Variants in RBFOX1 observed in about 807,000 individuals in gnomAD.
The protein encoded by RBFOX1 is RNA binding fox-1 homolog 1, also known as RNA binding protein fox-1 homolog 1.
RBFOX1 carries 8 observed loss-of-function variants against 57.7 expected under a neutral mutation model. The ratio of observed to expected loss-of-function variants is 0.14; its 90% confidence interval spans 0.08 to 0.25. RBFOX1 has a LOEUF of 0.25. Among genes scored for constraint, RBFOX1 ranks in the 10% least tolerant of loss-of-function variants. The pLI, the probability that RBFOX1 is intolerant of heterozygous loss-of-function variation, is 1.00. For missense variants in RBFOX1, 611 were observed against 548.5 expected (o/e 1.11, Z -1.14); for synonymous variants, 326 against 222.4 (o/e 1.47, Z -4.15).
At chr16:7,000,628 C>G (rs531589319) in intron 3 of RBFOX1, among the ~76,000 whole-genome samples, 1 of 103,108 alleles carries the variant, frequency 9.7e-6, no homozygotes. Context: ...GAGACAGAGT[C>G]TCGCTCTCCT....
At chr16:6,002,437 C>G (rs139060706) in intron 4 of RBFOX1, among the ~76,000 whole-genome samples, 1 of 152,200 alleles carries the variant, frequency 6.6e-6, no homozygotes, top group African/African-American at 2.4e-5. Flanking sequence ...GACTCACTTT[C>G]CACATGGCAT....
intron 10 of RBFOX1, among the ~76,000 whole-genome samples, chr16:7,620,164 C>T (rs144787896): frequency 6.6e-6 from 1 of 152,298 alleles, no homozygotes; most frequent in African/African-American, 2.4e-5. Context: ...TTTAGATACC[C>T]AATAATAATT....
intron 4 of RBFOX1, among the ~76,000 whole-genome samples, chr16:5,888,709 T>C (rs1402162567): frequency 1.3e-5 from 2 of 149,334 alleles, no homozygotes; most frequent in East Asian, 4.0e-4. Context: ...GGCAGGAGAA[T>C]TGCTTGAATC....
At chr16:7,530,280 C>T (rs74010554) in intron 5 of RBFOX1, among the ~76,000 whole-genome samples, 5 of 152,092 alleles carry the variant, frequency 3.3e-5, no homozygotes, top group African/African-American at 1.2e-4. Context: ...CTGTACCATG[C>T]CCTTCCTCTG....
At position 6,394,081 on chromosome 16, in the gene RBFOX1, CTG is replaced by C. The variant is rs536823524; in HGVS notation, c.-64+77027_-64+77028del. On this transcript the variant is annotated intron_variant, in intron 2 of 15. Coordinates refer to ENST00000550418, the MANE Select transcript of RBFOX1 (RefSeq NM_018723.4). ...CATCCTGCAATGCAGACATCCATGA[CTG>C]TGCATCTCCACTGCTTCAAACAGGG... 6.8e-4 allele frequency among the ~76,000 whole-genome samples: 103 copies of C among 152,264 alleles called. 4 individuals carry two copies. The South Asian group carries it at 0.021, about 30-fold the overall frequency.
chr16:6,033,184 A>G (rs923837030), intron 1 of RBFOX1, among the ~76,000 whole-genome samples: 2 of 152,238 alleles, frequency 1.3e-5, no homozygotes, highest in Admixed American at 1.3e-4. Context: ...TATACAGGAA[A>G]AAGATTCACT....
intron 3 of RBFOX1, among the ~76,000 whole-genome samples, chr16:6,671,318 C>T (rs2098763497): frequency 6.6e-6 from 1 of 152,092 alleles, no homozygotes; most frequent in African/African-American, 2.4e-5. Context: ...ACACTTGTGT[C>T]AGAGGTCCAT....
chr16:5,745,459 G>C (rs2052941424), intron 3 of RBFOX1, among the ~76,000 whole-genome samples: 1 of 152,214 alleles, frequency 6.6e-6, no homozygotes, highest in Non-Finnish European at 1.5e-5. Flanking sequence ...TATATACCCA[G>C]TGATGGGATT....
intron 3 of RBFOX1, among the ~76,000 whole-genome samples, chr16:7,025,462 G>A (rs986978195): frequency 2.0e-5 from 3 of 152,104 alleles, no homozygotes; most frequent in Admixed American, 6.6e-5. Flanking sequence ...AACCTTCTGG[G>A]AATGCATCCT....
chr16:6,997,948 T>C (rs1596461077), intron 3 of RBFOX1, among the ~76,000 whole-genome samples: 1 of 152,026 alleles, frequency 6.6e-6, no homozygotes, highest in East Asian at 1.9e-4. Flanking sequence ...TATTTTAATA[T>C]TATATTTCGT....
At chr16:5,486,880 A>T (rs2042646566) in intron 2 of RBFOX1, among the ~76,000 whole-genome samples, 1 of 151,942 alleles carries the variant, frequency 6.6e-6, no homozygotes, top group Non-Finnish European at 1.5e-5. Context: ...GACCTGTGAG[A>T]CCCAGCAACC....
chr16:6,544,157 C>G (rs2096862765), intron 2 of RBFOX1, among the ~76,000 whole-genome samples: 1 of 152,274 alleles, frequency 6.6e-6, no homozygotes, highest in East Asian at 1.9e-4. Flanking sequence ...CGAGTAACTT[C>G]CACGGTGCTC....
intron 2 of RBFOX1, among the ~76,000 whole-genome samples, chr16:5,476,954 T>C (rs562608420): frequency 1.3e-5 from 2 of 152,348 alleles, no homozygotes; most frequent in South Asian, 4.1e-4. Flanking sequence ...TTTTTGTAAC[T>C]GATGTTATCT....
chr16:6,616,014 C>T (rs1365325879), intron 2 of RBFOX1, among the ~76,000 whole-genome samples: 2 of 152,156 alleles, frequency 1.3e-5, no homozygotes, highest in East Asian at 3.9e-4. Context: ...TATATAGACG[C>T]AGGGACACTG....
At chr16:6,130,549 G>A (rs955463247) in intron 1 of RBFOX1, among the ~76,000 whole-genome samples, 1 of 152,152 alleles carries the variant, frequency 6.6e-6, no homozygotes, top group Non-Finnish European at 1.5e-5. Flanking sequence ...CCAAGTGCAA[G>A]TGGACTAAAC....
At chr16:7,681,547 C>T (rs1051945289) in intron 14 of RBFOX1, among the ~76,000 whole-genome samples, 1 of 152,188 alleles carries the variant, frequency 6.6e-6, no homozygotes, top group Non-Finnish European at 1.5e-5. Flanking sequence ...AGTGATATTC[C>T]ATTTTAATTG....
At chr16:6,321,767 C>T (rs1271166791) in intron 2 of RBFOX1, among the ~76,000 whole-genome samples, 3 of 152,144 alleles carry the variant, frequency 2.0e-5, no homozygotes, top group African/African-American at 7.2e-5. Context: ...AGAAATATAA[C>T]ATCAACATTA....
chr16:6,341,735 A>G (rs2084610882), intron 2 of RBFOX1, among the ~76,000 whole-genome samples: 1 of 151,928 alleles, frequency 6.6e-6, no homozygotes, highest in African/African-American at 2.4e-5. Flanking sequence ...TACTCTGTCT[A>G]TGGAGTAGCT....
chr16:7,145,456 C>G (rs2074764658), intron 4 of RBFOX1, among the ~76,000 whole-genome samples: 1 of 152,184 alleles, frequency 6.6e-6, no homozygotes, highest in African/African-American at 2.4e-5. Context: ...ATCCACCTCC[C>G]TCGGCCTCCC....
Sources: allele counts gnomAD v4.1 joint callset (sites outside exome capture counted in the v4.1 genomes callset), GRCh38; gene constraint gnomAD v4.1.1; transcripts MANE v1.5; gene names NCBI Gene and HGNC (gene_info 2026-07-23, HGNC 2026-07-21).